The following FHIP2A variants were observed in gnomAD, a reference collection of about 807,000 sequenced individuals.
The protein encoded by FHIP2A is family with sequence similarity 160 member B1.
Under a neutral mutation model 93.5 loss-of-function variants are expected in FHIP2A, and 46 were observed. The ratio of observed to expected loss-of-function variants is 0.49; its 90% CI spans 0.39 to 0.63. The LOEUF is 0.63. Ranked by LOEUF, FHIP2A falls within the 20% of genes least tolerant of loss-of-function variation. FHIP2A has a pLI of 0.00. For missense variants in FHIP2A, 769 were observed against 909.7 expected (o/e 0.85, Z 1.99); for synonymous variants, 332 against 326.5 (o/e 1.02, Z -0.18).
intron 5 of FHIP2A, among the ~76,000 whole-genome samples, chr10:114,841,701 G>A (rs2143010984): frequency 6.6e-6 from 1 of 152,218 alleles, no homozygotes; most frequent in Non-Finnish European, 1.5e-5. Context: ...AAGAAGATTG[G>A]TCTAACCTAT....
chr10:114,822,873 C>T (rs2083544916), intron 1 of FHIP2A, among the ~76,000 whole-genome samples: 1 of 152,214 alleles, frequency 6.6e-6, no homozygotes, highest in Non-Finnish European at 1.5e-5. Context: ...CAATTGTACT[C>T]TCCTTTGAGG....
chr10:114,863,968 C>T lies in FHIP2A; in HGVS notation c.*2428C>T. On this transcript the variant is annotated 3_prime_UTR_variant, in exon 17 of 17. Coordinates refer to ENST00000369248, the MANE Select transcript of FHIP2A (RefSeq NM_020940.4). ...GAGCCGCATTCTTTACTTGATAGAACTCAGATTTGTCTTAGCCTATTGCCA... is the reference window on the plus strand; with the variant it reads ...GAGCCGCATTCTTTACTTGATAGAATTCAGATTTGTCTTAGCCTATTGCCA... 2 of 1,062,278 alleles carry T rather than the reference C, an allele frequency of 1.9e-6. No homozygotes were observed. The highest frequency in any genetic ancestry group is 2.3e-6 in the Non-Finnish European group (2 of 875,604). The allele number at this position is 1,062,278 out of a possible 1,614,324, so 65.8% of individuals were successfully genotyped here.
chr10:114,887,774 G>A (rs907247098), intron 16 of FHIP2A, among the ~76,000 whole-genome samples: 1 of 152,236 alleles, frequency 6.6e-6, no homozygotes, highest in Non-Finnish European at 1.5e-5. Flanking sequence ...GTACCAGGCT[G>A]TGAGAATGCC....
Position 114,846,287 on chromosome 10 carries a change from G to A in FHIP2A, c.1318G>A (p.Glu440Lys). ...MVFFILGEQR[E>K]PETLAEISRH... ...GTTTTTTATCCTTGGAGAACAGAGG[G>A]AACCAGAAACTCTGGCAGAAATCAG... The change falls in exon 10 of 17, where the codon GAA (glutamate) becomes AAA (lysine). Residue 440 changes from glutamate to lysine, a missense_variant. Glu to Lys is a moderately conservative substitution (Grantham distance 56, BLOSUM62 1). Coordinates refer to ENST00000369248, the MANE Select transcript of FHIP2A (RefSeq NM_020940.4). The A allele has an allele frequency of 6.2e-7, 1 of 1,614,106 alleles. No homozygotes were observed. The highest frequency in any genetic ancestry group is 8.5e-7 in the Non-Finnish European group (1 of 1,180,000).
At chr10:114,854,817 G>C (rs900595600) in intron 13 of FHIP2A, among the ~76,000 whole-genome samples, 35 of 152,200 alleles carry the variant, frequency 2.3e-4, no homozygotes, top group African/African-American at 8.4e-4. Context: ...CAGTTCATCT[G>C]TGGTATATAC....
At position 114,843,208 on chromosome 10, in the gene FHIP2A, A is replaced by G. The variant is rs1393213272; in HGVS notation, c.798A>G (p.Leu266=). 1 of 1,612,736 alleles carries G rather than the reference A, an allele frequency of 6.2e-7. No individual in the cohort carries two copies. The highest frequency in any genetic ancestry group is 1.7e-5 in the Admixed American group (1 of 60,006). ...NQDYNLVNSL[L]NLTRSPDGRI... ...ATTACAATTTAGTGAATTCTTTGTTAAATCTTACTAGAAGTCCTGTGAGTT... is the reference window on the plus strand; with the variant it reads ...ATTACAATTTAGTGAATTCTTTGTTGAATCTTACTAGAAGTCCTGTGAGTT... The change falls in exon 6 of 17, where the codon TTA becomes TTG. Residue 266 remains leucine (L), a synonymous_variant. Coordinates refer to ENST00000369248, the MANE Select transcript of FHIP2A (RefSeq NM_020940.4).
At chr10:114,860,708 C>T (rs775496263) in intron 14 of FHIP2A, 41 bp from the exon 15 acceptor site, 4 of 1,465,542 alleles carry the variant, frequency 2.7e-6, no homozygotes, top group South Asian at 2.3e-5. Flanking sequence ...CACCGGTATA[C>T]ATTATTTTTA....
rs148700520 is a variant in FHIP2A at position 114,858,137 on chromosome 10, G to A, written c.1948-2612G>A. On this transcript the variant is annotated intron_variant, in intron 14 of 16. Transcript: ENST00000369248. ...AGAAATCTGGCTTGCTTTCCTTTCA[G>A]GTAAATACTGTATAAAGTATAAAAT... Among the ~76,000 whole-genome samples the A allele has an allele frequency of 5.3e-5, 8 of 152,156 alleles. No homozygotes were observed. The East Asian group carries it at 1.5e-3, about 29-fold the overall frequency.
chr10:114,829,985 GTAGT>G (rs2083598695), intron 1 of FHIP2A, among the ~76,000 whole-genome samples: 1 of 152,120 alleles, frequency 6.6e-6, no homozygotes, highest in South Asian at 2.1e-4. Context: ...TCTTGTTCAA[GTAGT>G]TATTTTGCTA....
intron 3 of FHIP2A, 68 bp downstream of exon 3, chr10:114,833,470 G>A: frequency 7.2e-7 from 1 of 1,396,318 alleles, no homozygotes; most frequent in East Asian, 2.3e-5. Flanking sequence ...GAATAAAGAA[G>A]CTGCCAAATA....
intron 16 of FHIP2A, among the ~76,000 whole-genome samples, chr10:114,898,776 T>C (rs1234497583): frequency 6.6e-6 from 1 of 152,258 alleles, no homozygotes; most frequent in Admixed American, 6.5e-5. Context: ...GTTATTATGA[T>C]GCTTAAATAA....
At chr10:114,893,031 A>G (rs1265949352) in intron 16 of FHIP2A, among the ~76,000 whole-genome samples, 6 of 152,176 alleles carry the variant, frequency 3.9e-5, no homozygotes, top group Admixed American at 2.6e-4. Context: ...TTATATATCT[A>G]TATTTCCTAA....
intron 16 of FHIP2A, among the ~76,000 whole-genome samples, chr10:114,891,545 G>A (rs548004847): frequency 1.5e-4 from 20 of 135,370 alleles, no homozygotes; most frequent in African/African-American, 5.3e-4. Context: ...ATATGTGTGT[G>A]TGTGTGTGTG....
At chr10:114,855,076 T>A (rs1294208904) in intron 13 of FHIP2A, 121 bp from the exon 14 acceptor site, 3 of 1,021,730 alleles carry the variant, frequency 2.9e-6, no homozygotes, top group Non-Finnish European at 4.2e-6. Context: ...CCTTGGCACC[T>A]GAAGCATAGC....
Position 114,847,185 on chromosome 10 carries a change from A to T in FHIP2A, c.1664A>T (p.Asp555Val), listed in dbSNP as rs752343500. 12 of 1,613,656 alleles carry T rather than the reference A, an allele frequency of 7.4e-6. No homozygotes were observed. Among genetic ancestry groups the T allele is most frequent in the Non-Finnish European group, 9.3e-6 (11 of 1,179,800 alleles). Residue 555 changes from aspartate (D) to valine (V), a missense_variant, in exon 12 of 17, where the codon GAC (aspartate) becomes GTC (valine). Asp to Val is a radical substitution (Grantham distance 152, BLOSUM62 -3). Transcript: ENST00000369248. Reference protein sequence around the residue: ...WLSSSPPATPDHPKNDGKTEV... With the variant: ...WLSSSPPATPVHPKNDGKTEV... ...AGTTCTTCACCTCCTGCTACTCCAG[A>T]CCACCCCAAAAATGATGGAAAAACT...
At chr10:114,845,799 C>T (rs897459769) in intron 8 of FHIP2A, among the ~76,000 whole-genome samples, 1 of 152,054 alleles carries the variant, frequency 6.6e-6, no homozygotes, top group Non-Finnish European at 1.5e-5. Context: ...AATTTTTCAT[C>T]CTATTCCTCT....
chr10:114,860,565 T>C (rs2143013153), intron 14 of FHIP2A, among the ~76,000 whole-genome samples, 184 bp from the exon 15 acceptor site: 1 of 152,244 alleles, frequency 6.6e-6, no homozygotes, highest in Non-Finnish European at 1.5e-5. Flanking sequence ...TTGGTCAGGC[T>C]GGTCTCGAAC....
intron 1 of FHIP2A, among the ~76,000 whole-genome samples, chr10:114,824,629 C>A (rs1037408676): frequency 6.6e-6 from 1 of 152,198 alleles, no homozygotes; most frequent in African/African-American, 2.4e-5. Context: ...GGAATGAACT[C>A]ATGTGCAATG....
exon 17 of FHIP2A, chr10:114,899,537 G>A (rs1284924067): frequency 1.4e-6 from 1 of 718,260 alleles, no homozygotes; most frequent in Admixed American, 2.0e-5. Flanking sequence ...AGTCTCTTAT[G>A]TCCTCAAAGC....
Sources: allele counts gnomAD v4.1 joint callset (sites outside exome capture counted in the v4.1 genomes callset), GRCh38; gene constraint gnomAD v4.1.1; transcripts MANE v1.5; gene names NCBI Gene and HGNC (gene_info 2026-07-23, HGNC 2026-07-21).